The following PITRM1 variants were observed in gnomAD, a reference collection of about 807,000 sequenced individuals.
PITRM1 encodes pitrilysin metallopeptidase 1.
Under a neutral mutation model 129.9 loss-of-function variants are expected in PITRM1, and 100 were observed. The observed-to-expected ratio is 0.77, with a 90% CI of 0.65 to 0.91. The LOEUF is 0.91. Among genes scored for constraint, PITRM1 ranks in the 40% least tolerant of loss-of-function variants. PITRM1 has a pLI of 0.00. For missense variants in PITRM1, 1,471 were observed against 1,318.3 expected (o/e 1.12, Z -1.79); for synonymous variants, 591 against 508.8 (o/e 1.16, Z -2.17).
chr10:3,168,914 CTACACACACACACA>C (rs1259786144), intron 2 of PITRM1, among the ~76,000 whole-genome samples: 19 of 137,430 alleles, frequency 1.4e-4, no homozygotes, highest in African/African-American at 4.9e-4. Context: ...AAGTTTCCAT[CTACACACACACACA>C]CACACACACA....
chr10:3,148,141 C>T (rs374148356), intron 17 of PITRM1, 30 bp downstream of exon 17: 21 of 1,613,728 alleles, frequency 1.3e-5, no homozygotes, highest in Middle Eastern at 1.6e-4. Flanking sequence ...AGCTTCCCAC[C>T]GCAGCAGTCG....
intron 14 of PITRM1, among the ~76,000 whole-genome samples, chr10:3,152,971 C>T (rs779783347): frequency 2.2e-4 from 34 of 152,272 alleles, no homozygotes; most frequent in Non-Finnish European, 4.3e-4. Context: ...TTAAGACACA[C>T]ACAAGACCAG....
At chr10:3,167,256 A>ATGTG (rs932408626) in intron 2 of PITRM1, among the ~76,000 whole-genome samples, 2 of 138,324 alleles carry the variant, frequency 1.4e-5, no homozygotes, top group Non-Finnish European at 1.6e-5. Context: ...AGATGAGAAT[A>ATGTG]TGTGTGTGTG....
intron 22 of PITRM1, chr10:3,143,905 A>G: frequency 1.9e-6 from 1 of 521,204 alleles, no homozygotes; most frequent in Non-Finnish European, 3.6e-6. Flanking sequence ...AAACAGCATC[A>G]GCACCAGGCT....
At chr10:3,170,718 G>A (rs1289376449) in intron 1 of PITRM1, among the ~76,000 whole-genome samples, 3 of 152,188 alleles carry the variant, frequency 2.0e-5, no homozygotes, top group South Asian at 2.1e-4. Context: ...TGAAGAGGCC[G>A]GGCGTGGTGG....
At chr10:3,141,234 A>T (rs1840166358) in intron 23 of PITRM1, among the ~76,000 whole-genome samples, 1 of 152,154 alleles carries the variant, frequency 6.6e-6, no homozygotes, top group African/African-American at 2.4e-5. Flanking sequence ...CTTTTCAATT[A>T]ACCAAAACTA....
chr10:3,162,203 T>C (rs1842511283), intron 7 of PITRM1, among the ~76,000 whole-genome samples: 1 of 149,304 alleles, frequency 6.7e-6, no homozygotes, highest in African/African-American at 2.5e-5. Context: ...TCTGTCACCA[T>C]TAAAAGTAGT....
At position 3,163,826 on chromosome 10, in the gene PITRM1, C is replaced by T. The variant is rs771491902; in HGVS notation, c.690G>A (p.Thr230=). The T allele has an allele frequency of 1.3e-5, 21 of 1,610,496 alleles. No individual in the cohort carries two copies. Among genetic ancestry groups the T allele is most frequent in the Admixed American group, 3.3e-5 (2 of 59,866 alleles). ...HLQNRLLPDH[T]YSVVSGGDPL... Reference sequence around the variant, plus strand: ...GGTCACCCCCGGAGACCACTGAGTACGTGTGGTCAGGAAGAAGTCTGTTCT... The same window carrying T: ...GGTCACCCCCGGAGACCACTGAGTATGTGTGGTCAGGAAGAAGTCTGTTCT... Residue 230 remains threonine (T), a synonymous_variant, in exon 7 of 27, where the codon ACG becomes ACA. Coordinates refer to ENST00000224949, the MANE Select transcript of PITRM1 (RefSeq NM_014889.4).
At position 3,143,505 on chromosome 10, in the gene PITRM1, A is replaced by G; in HGVS notation, c.2533-4T>C. 1 of 1,596,874 alleles carries G rather than the reference A, an allele frequency of 6.3e-7. No homozygotes were observed. On this transcript the variant is annotated splice_polypyrimidine_tract_variant and splice_region_variant and intron_variant, in intron 22 of 26. Coordinates refer to ENST00000224949, the MANE Select transcript of PITRM1 (RefSeq NM_014889.4). ...GCCAGGGCTTGAAGGTGGGTTCCTGAGGGACACGGTATGGTCAGAGGCGGC... is the reference window on the plus strand; with the variant it reads ...GCCAGGGCTTGAAGGTGGGTTCCTGGGGGACACGGTATGGTCAGAGGCGGC...
rs1339233411 is a variant in PITRM1 at position 3,144,310 on chromosome 10, G to C, written c.2514C>G (p.Val838=). The C allele has an allele frequency of 6.4e-7, 1 of 1,559,286 alleles. No individual in the cohort carries two copies. The highest frequency in any genetic ancestry group is 1.2e-5 in the South Asian group (1 of 84,604). Residue 838 remains valine, a synonymous_variant, in exon 22 of 27, where the codon GTC becomes GTG. Coordinates refer to ENST00000224949, the MANE Select transcript of PITRM1 (RefSeq NM_014889.4). ...GDAHVPHGSQ[V]IRKLVMEPTF... ...TTCTTACCATGACCAGCTTCCTAAT[G>C]ACCTGGGAGCCATGGGGAACGTGGG...
chr10:3,163,833 T>C lies in PITRM1; in HGVS notation c.683A>G (p.Asp228Gly), dbSNP rs759579925. Reference sequence around the variant, plus strand: ...CCCGGAGACCACTGAGTACGTGTGGTCAGGAAGAAGTCTGTTCTGAAGGTG... The same window carrying C: ...CCCGGAGACCACTGAGTACGTGTGGCCAGGAAGAAGTCTGTTCTGAAGGTG... The part of the protein sequence containing the change: ...SQHLQNRLLP[D>G]HTYSVVSGGD... Residue 228 changes from aspartate to glycine, a missense_variant, in exon 7 of 27, where the codon GAC becomes GGC. Asp to Gly is a moderately conservative substitution (Grantham distance 94). Coordinates refer to ENST00000224949, the MANE Select transcript of PITRM1 (RefSeq NM_014889.4). 11 of 1,612,848 alleles carry C rather than the reference T, an allele frequency of 6.8e-6. No homozygotes were observed. Among genetic ancestry groups the C allele is most frequent in the Non-Finnish European group, 9.3e-6 (11 of 1,179,254 alleles).
At chr10:3,151,068 A>G in intron 15 of PITRM1, 179 bp downstream of exon 15, 2 of 578,556 alleles carry the variant, frequency 3.5e-6, no homozygotes, top group South Asian at 4.0e-5. Flanking sequence ...GGAGTCTATC[A>G]CCACCGAGAG....
rs1840829601 is a variant in PITRM1 at position 3,146,049 on chromosome 10, C to A, written c.2337-333G>T. ...CCTTCGGAATTACACTATCAAAACA[C>A]TGACAACTTTTAAAATTACTGTCCA... On this transcript the variant is annotated intron_variant, in intron 20 of 26. Transcript: ENST00000224949. 1.6e-5 allele frequency: 4 copies of A among 247,650 alleles called. No homozygotes were observed. In the South Asian group the frequency reaches 2.2e-4, roughly 13 times the overall value. The allele number at this position is 247,650 out of a possible 1,614,324, so 15.3% of individuals were successfully genotyped here. A position where few individuals can be genotyped will look rare whatever the true frequency, so the allele number is the denominator to read the frequency against.
At chr10:3,157,405 C>G in intron 12 of PITRM1, 30 bp downstream of exon 12, 1 of 1,421,416 alleles carries the variant, frequency 7.0e-7, no homozygotes. Context: ...TATTATAAAA[C>G]AAAAACAAAA....
chr10:3,147,884 G>A (rs1436543336), intron 18 of PITRM1, 103 bp downstream of exon 18: 2 of 1,199,344 alleles, frequency 1.7e-6, no homozygotes, highest in African/African-American at 1.5e-5. Flanking sequence ...AGTCAGACTT[G>A]GAAAACAACA....
At chr10:3,161,662 G>A (rs1357146476) in intron 7 of PITRM1, among the ~76,000 whole-genome samples, 1 of 151,046 alleles carries the variant, frequency 6.6e-6, no homozygotes, top group Non-Finnish European at 1.5e-5. Flanking sequence ...GCCCGGCTGT[G>A]CGTGCATTAG....
At chr10:3,172,140 C>T (rs1435855699) in intron 1 of PITRM1, 1 of 455,166 alleles carries the variant, frequency 2.2e-6, no homozygotes, top group Non-Finnish European at 4.4e-6. Context: ...GCCACGGACG[C>T]CCCGTGCCTC....
Position 3,165,525 on chromosome 10 carries a change from T to C in PITRM1, c.421A>G (p.Ser141Gly), listed in dbSNP as rs748298462. The stretch of plus-strand genomic sequence containing the variant: ...GAAAATGGATACAGAGTATAATCAC[T>C]AGCTGGGTACAAATGAAAAGTGAAA... ...LSTFMNAFTA[S>G]DYTLYPFSTQ... Residue 141 changes from serine to glycine, a missense_variant and splice_region_variant, in exon 5 of 27, where the codon AGT becomes GGT. Physicochemically the swap from Ser to Gly is moderately conservative, Grantham distance 56. Coordinates refer to ENST00000224949, the MANE Select transcript of PITRM1 (RefSeq NM_014889.4). The C allele has an allele frequency of 2.0e-6, 3 of 1,524,466 alleles. No individual in the cohort carries two copies. The highest frequency in any genetic ancestry group is 3.4e-5 in the Admixed American group (2 of 59,426). The allele number at this position is 1,524,466 out of a possible 1,614,324, so 94.4% of individuals were successfully genotyped here.
At position 3,148,045 on chromosome 10, in the gene PITRM1, G is replaced by C. The variant is rs1379423146; in HGVS notation, c.2011C>G (p.Leu671Val). ...TYEQGVLFSSLCLDRNLPDMM... is the reference protein window; with the variant it reads ...TYEQGVLFSSVCLDRNLPDMM... ...TCTGGCAGGTTTCGATCCAGGCAGA[G>C]AGAGGAGAAAAGCACACCCTGAACC... Residue 671 changes from leucine to valine, a missense_variant, in exon 18 of 27, where the codon CTC (leucine) becomes GTC (valine). Transcript: ENST00000224949. The C allele has an allele frequency of 1.9e-6, 3 of 1,613,860 alleles. No homozygotes were observed. Among genetic ancestry groups the C allele is most frequent in the Non-Finnish European group, 2.5e-6 (3 of 1,179,738 alleles).
Sources: gnomAD v4.1 joint callset for allele counts (sites outside exome capture counted in the v4.1 genomes callset) on GRCh38, gnomAD v4.1.1 for gene constraint, MANE v1.5 for transcripts, NCBI Gene and HGNC (gene_info 2026-07-23, HGNC 2026-07-21) for gene names.